Variants in PPP1CB observed in about 807,000 individuals in gnomAD.
PPP1CB encodes serine/threonine-protein phosphatase PP1-beta catalytic subunit.
In PPP1CB, 2 loss-of-function variants were observed where a neutral mutation model predicts 43.7. The ratio of observed to expected loss-of-function variants is 0.05; its 90% CI spans 0.02 to 0.14. The LOEUF (loss-of-function observed/expected upper bound fraction) is 0.14, where lower values mean the gene tolerates loss of function less well. PPP1CB is among the 10% of genes least tolerant of loss of function. PPP1CB has a pLI of 1.00. For missense variants in PPP1CB, 84 were observed against 398.0 expected, an observed-to-expected ratio of 0.21 and a Z score of 6.71; for synonymous variants, 136 against 135.6, an observed-to-expected ratio of 1.00 and a Z score of -0.02.
In PPP1CB at chr2:28,752,157, C is replaced by G. The variant is rs1300900310; in HGVS notation, c.33C>G (p.Leu11=). The G allele has an allele frequency of 6.5e-7, 1 of 1,548,094 alleles. No homozygotes were observed. The highest frequency in any genetic ancestry group is 2.5e-5 in the East Asian group (1 of 40,416). The change falls in exon 1 of 8, where the codon CTC becomes CTG. Residue 11 remains leucine, a synonymous_variant. Transcript: ENST00000395366. ...ACGGGGAGCTGAACGTGGACAGCCTCATCACCCGGCTGCTGGAGGGTGAGT... is the reference window on the plus strand; with the variant it reads ...ACGGGGAGCTGAACGTGGACAGCCTGATCACCCGGCTGCTGGAGGGTGAGT... MADGELNVDS[L]ITRLLEVRGC...
intron 4 of PPP1CB, 32 bp from the exon 5 acceptor site, chr2:28,783,875 G>C: frequency 6.7e-7 from 1 of 1,495,632 alleles, no homozygotes; most frequent in Non-Finnish European, 9.3e-7. Flanking sequence ...ATTTTTAGCT[G>C]TTAGTACTAT....
chr2:28,781,657 C>A, intron 3 of PPP1CB, 81 bp from the exon 4 acceptor site: 1 of 930,324 alleles, frequency 1.1e-6, no homozygotes, highest in Non-Finnish European at 1.7e-6. Context: ...AAATTGAAAT[C>A]ATTCATAATC....
chr2:28,795,801 G>C (rs1046760073), intron 7 of PPP1CB, among the ~76,000 whole-genome samples: 4 of 151,912 alleles, frequency 2.6e-5, no homozygotes, highest in African/African-American at 9.7e-5. Context: ...AGTTTATTTT[G>C]GTCCCACTTG....
chr2:28,786,992 A>T (rs1667281814), intron 5 of PPP1CB, among the ~76,000 whole-genome samples: 1 of 152,126 alleles, frequency 6.6e-6, no homozygotes, highest in Non-Finnish European at 1.5e-5. Context: ...GGAGCTTGGG[A>T]TATATCAATG....
chr2:28,776,058 G>A (rs1558304241), intron 1 of PPP1CB, among the ~76,000 whole-genome samples: 1 of 151,802 alleles, frequency 6.6e-6, no homozygotes, highest in Non-Finnish European at 1.5e-5. Context: ...GGGGACTGCT[G>A]GTAACATTCC....
In PPP1CB at chr2:28,752,053, G is replaced by A; in HGVS notation, c.-72G>A. ...TGACTTGTAGGTGAGAGAACGCCGA[G>A]CCGTCGCCGCAGCCTCCGCCGCCGA... On this transcript the variant is annotated 5_prime_UTR_variant, in exon 1 of 8. Transcript: ENST00000395366. 2.1e-6 allele frequency: 3 copies of A among 1,440,938 alleles called. No homozygotes were observed. Among genetic ancestry groups the A allele is most frequent in the South Asian group, 1.2e-5 (1 of 81,726 alleles). The allele number at this position is 1,440,938 out of a possible 1,614,324, so 89.3% of individuals were successfully genotyped here.
Position 28,765,682 on chromosome 2 carries a change from G to A in PPP1CB, c.53-11169G>A, listed in dbSNP as rs546747516. 7.2e-5 allele frequency among the ~76,000 whole-genome samples: 11 copies of A among 152,268 alleles called. No homozygotes were observed. In the East Asian group the frequency reaches 1.7e-3, roughly 24 times the overall value. On this transcript the variant is annotated intron_variant, in intron 1 of 7. Transcript: ENST00000395366. ...CTTTAATCCCAGCACTTTGGGAGGC[G>A]GAGGCAGGAGGATCACTTGAGTTCA...
rs1044472481 is a variant in PPP1CB, at chr2:28,793,527, CAAAA to C, written c.745-332_745-329del. On this transcript the variant is annotated intron_variant, in intron 6 of 7. Coordinates refer to ENST00000395366, the MANE Select transcript of PPP1CB (RefSeq NM_002709.3). ...TAAAATTAAATTTAAAACTTAAAAA[CAAAA>C]AAAGTACTTAGTGTCCCAGCTCCCT... 4.0e-5 allele frequency among the ~76,000 whole-genome samples: 6 copies of C among 151,178 alleles called. No individual in the cohort carries two copies. The South Asian group carries it at 1.2e-3, about 31-fold the overall frequency.
intron 1 of PPP1CB, among the ~76,000 whole-genome samples, chr2:28,774,355 T>TA (rs1238367095): frequency 6.6e-6 from 1 of 152,242 alleles, no homozygotes; most frequent in African/African-American, 2.4e-5. Context: ...AATGAGTTAA[T>TA]ACAGTTTGTA....
In PPP1CB at chr2:28,751,928, G is replaced by A. The variant is rs1225014841; in HGVS notation, c.-197G>A. 1.6e-6 allele frequency: 1 copy of A among 638,224 alleles called. No homozygotes were observed. Among genetic ancestry groups the A allele is most frequent in the African/African-American group, 1.9e-5 (1 of 53,368 alleles). 39.5% of individuals were successfully genotyped at this position (638,224 alleles called of 1,614,324 possible). A position where few individuals can be genotyped will look rare whatever the true frequency, so the allele number is the denominator to read the frequency against. ...CTTGTTTATTTATTTATTTTCCGTG[G>A]GTGCCTCCGAGTGTGCGCGCGCTCT... On this transcript the variant is annotated 5_prime_UTR_variant, in exon 1 of 8. Transcript: ENST00000395366.
intron 1 of PPP1CB, among the ~76,000 whole-genome samples, chr2:28,769,589 T>C (rs1226714528): frequency 1.3e-5 from 2 of 152,116 alleles, no homozygotes; most frequent in South Asian, 2.1e-4. Flanking sequence ...AAATAACAGA[T>C]AAAAGCAAAG....
chr2:28,782,081 AAAGTCTC>A, intron 4 of PPP1CB: 1 of 461,128 alleles, frequency 2.2e-6, no homozygotes, highest in Non-Finnish European at 3.8e-6. Flanking sequence ...GTTGTTTGAG[AAAGTCTC>A]CTTTGCCTCA....
intron 1 of PPP1CB, among the ~76,000 whole-genome samples, chr2:28,770,390 G>A (rs1267806340): frequency 5.0e-5 from 7 of 139,566 alleles, no homozygotes; most frequent in Non-Finnish European, 9.3e-5. Context: ...AAGGGGGGGG[G>A]GAGGGGGGTG....
chr2:28,770,902 AC>A (rs1389508167), intron 1 of PPP1CB, among the ~76,000 whole-genome samples: 1 of 152,194 alleles, frequency 6.6e-6, no homozygotes, highest in Admixed American at 6.5e-5. Flanking sequence ...TTAATGAAAA[AC>A]GTGAAAGACT....
At position 28,794,418 on chromosome 2, in the gene PPP1CB, C is replaced by T. The variant is rs142005276; in HGVS notation, c.879+421C>T. ...AGTAAAATAGTTCCCTGGCTGGGCA[C>T]GGTGGCTCACTCCTGTAATCCCAGC... On this transcript the variant is annotated intron_variant, in intron 7 of 7. Coordinates refer to ENST00000395366, the MANE Select transcript of PPP1CB (RefSeq NM_002709.3). Among the ~76,000 whole-genome samples the T allele has an allele frequency of 4.2e-3, 639 of 152,226 alleles. 6 individuals carry two copies. The highest frequency in any genetic ancestry group is 0.015 in the African/African-American group (605 of 41,538).
chr2:28,779,703 A>C (rs1312798359), intron 3 of PPP1CB, among the ~76,000 whole-genome samples: 1 of 152,140 alleles, frequency 6.6e-6, no homozygotes, highest in African/African-American at 2.4e-5. Flanking sequence ...CTTCAAATTG[A>C]ATTTTTTATT....
At chr2:28,765,674 T>G (rs528674296) in intron 1 of PPP1CB, among the ~76,000 whole-genome samples, 1 of 152,208 alleles carries the variant, frequency 6.6e-6, no homozygotes, top group Non-Finnish European at 1.5e-5. Context: ...CCCAGCACTT[T>G]GGGAGGCGGA....
chr2:28,786,921 A>G (rs1257236042), intron 5 of PPP1CB, among the ~76,000 whole-genome samples: 2 of 152,216 alleles, frequency 1.3e-5, no homozygotes, highest in Non-Finnish European at 2.9e-5. Context: ...GGGCTTAAGA[A>G]TTGAGACTGA....
rs1185066366 is a variant in PPP1CB at position 28,767,688 on chromosome 2, A to G, written c.53-9163A>G. 3.3e-5 allele frequency among the ~76,000 whole-genome samples: 5 copies of G among 152,234 alleles called. No individual in the cohort carries two copies. In the East Asian group the frequency reaches 9.6e-4, roughly 29 times the overall value. On this transcript the variant is annotated intron_variant, in intron 1 of 7. Coordinates refer to ENST00000395366, the MANE Select transcript of PPP1CB (RefSeq NM_002709.3). ...GCATGAATGTGTCCAGTGATAAATA[A>G]GTGGCTATGCTTCATTAAACTTTAT... is the stretch of plus-strand genomic sequence containing the variant.
Sources: allele counts gnomAD v4.1 joint callset (sites outside exome capture counted in the v4.1 genomes callset), GRCh38; gene constraint gnomAD v4.1.1; transcripts MANE v1.5; gene names NCBI Gene and HGNC (gene_info 2026-07-23, HGNC 2026-07-21).